Variants in TRRAP observed in about 807,000 individuals in gnomAD.
TRRAP encodes transformation/transcription domain associated protein.
A neutral mutation model predicts 438.8 loss-of-function variants in TRRAP; 41 were observed. The ratio of observed to expected loss-of-function variants is 0.09; its 90% CI spans 0.07 to 0.12. The LOEUF (loss-of-function observed/expected upper bound fraction) is 0.12. Ranked by LOEUF, TRRAP falls within the 10% of genes least tolerant of loss-of-function variation. The pLI, the probability that TRRAP is intolerant of heterozygous loss-of-function variation, is 1.00. For synonymous variants in TRRAP, 1,994 were observed against 1,962.9 expected, an observed-to-expected ratio of 1.02 and a Z score of -0.42; for missense variants, 3,122 against 5,055.1, an observed-to-expected ratio of 0.62 and a Z score of 11.60.
At chr7:98,891,373 A>G (rs1403512054) in intron 4 of TRRAP, among the ~76,000 whole-genome samples, 3 of 150,976 alleles carry the variant, frequency 2.0e-5, no homozygotes, top group Non-Finnish European at 3.0e-5. Context: ...CACCATGCCC[A>G]GCTAGTTTTT....
intron 5 of TRRAP, among the ~76,000 whole-genome samples, chr7:98,893,512 A>G (rs1035027915): frequency 6.6e-6 from 1 of 152,166 alleles, no homozygotes; most frequent in Non-Finnish European, 1.5e-5. Flanking sequence ...TTGTCCAACA[A>G]TGGAAAGTGT....
chr7:98,920,066 G>C (rs11769458), intron 20 of TRRAP, among the ~76,000 whole-genome samples: 2 of 152,172 alleles, frequency 1.3e-5, no homozygotes. Flanking sequence ...CTACGGGAAC[G>C]TAAGAGAAAT....
chr7:98,987,217 T>TG (rs1793191524), intron 62 of TRRAP, among the ~76,000 whole-genome samples: 1 of 152,242 alleles, frequency 6.6e-6, no homozygotes, highest in Admixed American at 6.5e-5. Context: ...GAGTCTCATA[T>TG]TTCCATATGA....
rs1554418763 is a variant in TRRAP, at chr7:98,953,506, GTC to G, written c.5730+76_5730+77del. 4.5e-6 allele frequency: 7 copies of G among 1,566,324 alleles called. No individual in the cohort carries two copies. In the African/African-American group the frequency reaches 9.4e-5, roughly 21 times the overall value. On this transcript the variant is annotated intron_variant, in intron 40 of 72. Coordinates refer to ENST00000456197, the MANE Select transcript of TRRAP (RefSeq NM_001375524.1). The stretch of plus-strand genomic sequence containing the variant: ...ATGGTGCACTTGGCTCCCTGGTGCA[GTC>G]TCAGCCTCTCCTGTTGTCTTCTCCC...
intron 6 of TRRAP, among the ~76,000 whole-genome samples, chr7:98,894,783 G>GTTTTTTTTTTTTTTTTTTTTTTT (rs56407045): frequency 2.3e-5 from 2 of 87,418 alleles, no homozygotes; most frequent in African/African-American, 4.7e-5. Flanking sequence ...CCAGCTAATG[G>GTTTTTTTTTTTTTTTTTTTTTTT]TTTTTTTTTT....
chr7:98,933,716 A>G (rs891384117), intron 27 of TRRAP, among the ~76,000 whole-genome samples: 3 of 152,250 alleles, frequency 2.0e-5, no homozygotes, highest in Admixed American at 6.5e-5. Context: ...AGTTGCTTTA[A>G]TCATTCTTAG....
intron 44 of TRRAP, among the ~76,000 whole-genome samples, 194 bp from the exon 45 acceptor site, chr7:98,959,150 C>T (rs578035622): frequency 6.6e-6 from 1 of 151,912 alleles, no homozygotes; most frequent in East Asian, 1.9e-4. Flanking sequence ...GAGGAGGGGG[C>T]CGTGAGGGGT....
chr7:98,881,477 C>G (rs1255248586), intron 2 of TRRAP, among the ~76,000 whole-genome samples: 2 of 150,584 alleles, frequency 1.3e-5, no homozygotes, highest in African/African-American at 4.9e-5. Context: ...GAGGCTGAGG[C>G]AGGAGGATCG....
At chr7:98,971,509 T>C (rs1562965935) in intron 52 of TRRAP, among the ~76,000 whole-genome samples, 2 of 152,256 alleles carry the variant, frequency 1.3e-5, no homozygotes, top group South Asian at 4.1e-4. Context: ...TAATCTTTAT[T>C]ATTTTTACGT....
chr7:98,907,442 G>A (rs541592211), intron 13 of TRRAP, among the ~76,000 whole-genome samples: 22 of 152,266 alleles, frequency 1.4e-4, no homozygotes, highest in South Asian at 1.0e-3. Flanking sequence ...TAAGGAAGGC[G>A]TGATGGATCT....
intron 6 of TRRAP, among the ~76,000 whole-genome samples, chr7:98,894,404 A>G (rs149608503): frequency 3.9e-5 from 6 of 152,352 alleles, no homozygotes; most frequent in East Asian, 1.9e-4. Context: ...TACATTTACC[A>G]TAATTATATC....
At chr7:98,921,287 A>G (rs1449556694) in intron 20 of TRRAP, among the ~76,000 whole-genome samples, 2 of 152,204 alleles carry the variant, frequency 1.3e-5, no homozygotes, top group African/African-American at 4.8e-5. Flanking sequence ...ATGCAAGACT[A>G]ATAACATTGG....
Position 98,964,624 on chromosome 7 carries a change from T to C in TRRAP, c.6830-5T>C. 1 of 1,605,328 alleles carries C rather than the reference T, an allele frequency of 6.2e-7. No homozygotes were observed. The highest frequency in any genetic ancestry group is 8.5e-7 in the Non-Finnish European group (1 of 1,177,632). On this transcript the variant is annotated splice_polypyrimidine_tract_variant and splice_region_variant and intron_variant, in intron 47 of 72. Coordinates refer to ENST00000456197, the MANE Select transcript of TRRAP (RefSeq NM_001375524.1). ...GTGAAACACTTGGCAATTTCTACATTTTAGGGACCCTTATGATCCTCAAGT... is the reference window on the plus strand; with the variant it reads ...GTGAAACACTTGGCAATTTCTACATCTTAGGGACCCTTATGATCCTCAAGT...
chr7:98,966,941 C>A, intron 49 of TRRAP, 100 bp from the exon 50 acceptor site: 2 of 1,284,692 alleles, frequency 1.6e-6, no homozygotes, highest in Non-Finnish European at 2.1e-6. Flanking sequence ...TTAGGAATGA[C>A]CTTGTCTTAT....
At chr7:98,893,533 A>G (rs567914227) in intron 5 of TRRAP, among the ~76,000 whole-genome samples, 4 of 152,348 alleles carry the variant, frequency 2.6e-5, no homozygotes, top group African/African-American at 9.6e-5. Flanking sequence ...CATTTGGGCC[A>G]TGAAGTCCTT....
intron 64 of TRRAP, among the ~76,000 whole-genome samples, chr7:98,991,665 C>T (rs1173270575): frequency 3.3e-5 from 5 of 152,224 alleles, no homozygotes; most frequent in Admixed American, 6.5e-5. Context: ...ATGGGAGTTT[C>T]TTAACTGAAA....
intron 19 of TRRAP, among the ~76,000 whole-genome samples, chr7:98,916,770 C>T (rs1349241602): frequency 6.6e-6 from 1 of 152,198 alleles, no homozygotes; most frequent in Admixed American, 6.5e-5. Flanking sequence ...GCTGGGAACT[C>T]AGCCCCTTGC....
chr7:98,886,922 A>C (rs868978769), intron 3 of TRRAP, among the ~76,000 whole-genome samples: 2 of 152,138 alleles, frequency 1.3e-5, no homozygotes, highest in Admixed American at 6.6e-5. Context: ...ATTTTTTTAG[A>C]GACAACGTCT....
chr7:98,930,524 G>T, intron 24 of TRRAP, 109 bp from the exon 25 acceptor site: 1 of 1,414,456 alleles, frequency 7.1e-7, no homozygotes, highest in Non-Finnish European at 9.7e-7. Context: ...GTTGCGGTGA[G>T]CCGAGATCAC....
Sources: allele counts gnomAD v4.1 joint callset (sites outside exome capture counted in the v4.1 genomes callset), GRCh38; gene constraint gnomAD v4.1.1; transcripts MANE v1.5; gene names NCBI Gene and HGNC (gene_info 2026-07-23, HGNC 2026-07-21).